Variants in NTRK3 observed in about 807,000 individuals in gnomAD.
NTRK3 encodes NT-3 growth factor receptor.
NTRK3 carries 24 observed loss-of-function variants against 91.7 expected under a neutral mutation model. The ratio of observed to expected loss-of-function variants is 0.26; its 90% CI spans 0.19 to 0.37. The LOEUF (loss-of-function observed/expected upper bound fraction) is 0.37. NTRK3 is among the 10% of genes least tolerant of loss of function. The probability of loss-of-function intolerance (pLI) is 1.00; values close to 1 mark genes in which losing one functional copy is unlikely to be tolerated. For missense variants in NTRK3, 880 were observed against 1,068.9 expected (o/e 0.82, Z 2.46); for synonymous variants, 483 against 404.0 (o/e 1.20, Z -2.34).
rs898164022 is a variant in NTRK3 at position 88,141,269 on chromosome 15, A to C, written c.465-3708T>G. On this transcript the variant is annotated intron_variant, in intron 6 of 18. Transcript: ENST00000394480. ...CAGGAAAAAATGAGACGAACATAAT[A>C]GACATTATAGGATCATAATATTAGC... 7.9e-5 allele frequency among the ~76,000 whole-genome samples: 12 copies of C among 152,232 alleles called. No individual in the cohort carries two copies. In the East Asian group the frequency reaches 2.1e-3, roughly 27 times the overall value.
chr15:87,876,733 A>C, exon 19 of NTRK3: 1 of 385,096 alleles, frequency 2.6e-6, no homozygotes, highest in Non-Finnish European at 4.8e-6. Flanking sequence ...ATATATATAT[A>C]TATATTTGCC....
rs535285896 is a variant in NTRK3 at position 87,957,340 on chromosome 15, C to T, written c.1586-16587G>A. Among the ~76,000 whole-genome samples the T allele has an allele frequency of 1.9e-4, 28 of 150,348 alleles. No homozygotes were observed. In the South Asian group the frequency reaches 3.2e-3, roughly 17 times the overall value. On this transcript the variant is annotated intron_variant, in intron 14 of 18. Coordinates refer to ENST00000394480, the Ensembl canonical transcript of NTRK3. Reference sequence around the variant, plus strand: ...ATCACCAAGAAGTACATTATTATGACGCCTACAGTCCCACAGCGGGAGCAT... The same window carrying T: ...ATCACCAAGAAGTACATTATTATGATGCCTACAGTCCCACAGCGGGAGCAT...
chr15:88,181,354 C>A (rs557751641), intron 5 of NTRK3, among the ~76,000 whole-genome samples: 1 of 152,120 alleles, frequency 6.6e-6, no homozygotes, highest in Admixed American at 6.5e-5. Flanking sequence ...CCAAAAGAGA[C>A]AGTGGGTCAC....
chr15:88,221,752 G>C (rs992481101), intron 3 of NTRK3, among the ~76,000 whole-genome samples: 1 of 152,232 alleles, frequency 6.6e-6, no homozygotes, highest in African/African-American at 2.4e-5. Context: ...CCGTAGTGAC[G>C]GGTGAATGGG....
chr15:87,947,306 G>T (rs767917743), intron 14 of NTRK3, among the ~76,000 whole-genome samples: 9 of 152,036 alleles, frequency 5.9e-5, no homozygotes, highest in Non-Finnish European at 1.5e-5. Context: ...GACTCTAAAG[G>T]CTGGGCTGAG....
At chr15:88,192,957 A>C (rs1266857097) in intron 3 of NTRK3, among the ~76,000 whole-genome samples, 3 of 152,172 alleles carry the variant, frequency 2.0e-5, no homozygotes, top group African/African-American at 7.2e-5. Flanking sequence ...TTGTCTTATT[A>C]GATTATTTGA....
chr15:88,248,844 T>C (rs2053092466), intron 3 of NTRK3, among the ~76,000 whole-genome samples: 1 of 152,224 alleles, frequency 6.6e-6, no homozygotes, highest in Admixed American at 6.5e-5. Flanking sequence ...ACTCAGTAGA[T>C]GCTAGCTGTC....
chr15:88,231,085 C>T (rs2051142081), intron 3 of NTRK3, among the ~76,000 whole-genome samples: 1 of 152,174 alleles, frequency 6.6e-6, no homozygotes, highest in Non-Finnish European at 1.5e-5. Context: ...TTCTAACCTG[C>T]ATGCTATTCA....
exon 14 of NTRK3, chr15:88,032,894 G>A (rs2142018336): frequency 2.5e-6 from 4 of 1,613,830 alleles, no homozygotes; most frequent in African/African-American, 1.3e-5. Context: ...CCTGACGGAA[G>A]TACTGGGGGT....
chr15:88,177,120 C>T (rs1237444034), intron 5 of NTRK3, among the ~76,000 whole-genome samples: 1 of 152,058 alleles, frequency 6.6e-6, no homozygotes, highest in African/African-American at 2.4e-5. Flanking sequence ...AAGGCTGCGG[C>T]AGAGAGAACA....
At chr15:88,113,139 T>C (rs1252551281) in intron 13 of NTRK3, among the ~76,000 whole-genome samples, 1 of 152,160 alleles carries the variant, frequency 6.6e-6, no homozygotes, top group South Asian at 2.1e-4. Flanking sequence ...CTTTGTTCTT[T>C]CAATGGCCTT....
At chr15:88,166,842 G>A (rs538727014) in intron 5 of NTRK3, among the ~76,000 whole-genome samples, 1 of 152,254 alleles carries the variant, frequency 6.6e-6, no homozygotes, top group Non-Finnish European at 1.5e-5. Flanking sequence ...TATAAAACAA[G>A]AAGATGGATT....
chr15:87,968,076 A>G (rs1350616857), intron 14 of NTRK3, among the ~76,000 whole-genome samples: 1 of 152,146 alleles, frequency 6.6e-6, no homozygotes, highest in Non-Finnish European at 1.5e-5. Context: ...CAATAGTAAG[A>G]TAGTGTATGC....
intron 13 of NTRK3, among the ~76,000 whole-genome samples, chr15:88,063,254 A>G (rs1030132925): frequency 2.6e-5 from 4 of 152,262 alleles, no homozygotes; most frequent in African/African-American, 9.6e-5. Context: ...ACAAGGATGA[A>G]GATAAGCCCT....
At chr15:88,088,635 T>C (rs2048727258) in intron 13 of NTRK3, among the ~76,000 whole-genome samples, 1 of 152,172 alleles carries the variant, frequency 6.6e-6, no homozygotes. Flanking sequence ...AGAAGTAATA[T>C]GGTAATAATA....
At chr15:87,864,768 G>T (rs915057246) in exon 19 of NTRK3, 67 of 229,404 alleles carry the variant, frequency 2.9e-4, no homozygotes, top group African/African-American at 1.4e-3. Flanking sequence ...AGGAAGATAT[G>T]CCTCAAAACA....
chr15:88,033,138 T>G, intron 13 of NTRK3, 93 bp from the exon 14 acceptor site: 1 of 1,063,966 alleles, frequency 9.4e-7, no homozygotes, highest in Non-Finnish European at 1.3e-6. Flanking sequence ...ACTGTTCCCA[T>G]CACAAACATT....
intron 3 of NTRK3, among the ~76,000 whole-genome samples, chr15:88,217,694 C>T (rs1197486798): frequency 1.3e-5 from 2 of 151,932 alleles, no homozygotes; most frequent in African/African-American, 4.8e-5. Context: ...TGTGGATGTG[C>T]TTAACGTTGC....
At chr15:87,916,334 C>A in intron 17 of NTRK3, 3 of 404,182 alleles carry the variant, frequency 7.4e-6, no homozygotes, top group Non-Finnish European at 1.3e-5. Flanking sequence ...GCCTTTTGCA[C>A]TTGAGGAAGG....
Sources: allele counts gnomAD v4.1 joint callset (sites outside exome capture counted in the v4.1 genomes callset), GRCh38; gene constraint gnomAD v4.1.1; transcripts MANE v1.5; gene names NCBI Gene and HGNC (gene_info 2026-07-23, HGNC 2026-07-21).